The following CRIM1 variants were observed in gnomAD, a reference collection of about 807,000 sequenced individuals.
The protein encoded by CRIM1 is cysteine rich transmembrane BMP regulator 1, also known as cysteine-rich motor neuron 1 protein.
CRIM1 carries 32 observed loss-of-function variants against 116.4 expected under a neutral mutation model. The ratio of observed to expected loss-of-function variants is 0.27; its 90% CI spans 0.21 to 0.37. The LOEUF (loss-of-function observed/expected upper bound fraction) is 0.37, where lower values mean the gene tolerates loss of function less well. Ranked by LOEUF, CRIM1 falls within the 10% of genes least tolerant of loss-of-function variation. The pLI is 1.00. For missense variants in CRIM1, 1,331 were observed against 1,354.8 expected, an observed-to-expected ratio of 0.98 and a Z score of 0.28; for synonymous variants, 590 against 509.2, an observed-to-expected ratio of 1.16 and a Z score of -2.13.
At chr2:36,501,938 C>A (rs915372160) in intron 8 of CRIM1, among the ~76,000 whole-genome samples, 1 of 152,114 alleles carries the variant, frequency 6.6e-6, no homozygotes, top group Non-Finnish European at 1.5e-5. Flanking sequence ...AATGGCCAAC[C>A]TTGTTTTTTG....
intron 2 of CRIM1, among the ~76,000 whole-genome samples, chr2:36,427,117 C>T (rs982120857): frequency 6.6e-6 from 1 of 151,792 alleles, no homozygotes; most frequent in African/African-American, 2.4e-5. Context: ...AGGAGAATTG[C>T]TTGAACCTGG....
In CRIM1 at chr2:36,549,404, A is replaced by C. The variant is rs144279734; in HGVS notation, c.*703A>C. Reference sequence around the variant, plus strand: ...CTTTTATTTTCTTCCAAGCCAATCAATCAGCCAGTTCCTAGCAGAGTCAGC... The same window carrying C: ...CTTTTATTTTCTTCCAAGCCAATCACTCAGCCAGTTCCTAGCAGAGTCAGC... On this transcript the variant is annotated 3_prime_UTR_variant, in exon 17 of 17. Transcript: ENST00000280527. The C allele has an allele frequency of 2.6e-5, 4 of 152,658 alleles. No individual in the cohort carries two copies. The highest frequency in any genetic ancestry group is 3.9e-4 in the East Asian group (2 of 5,180). 9.5% of individuals were successfully genotyped at this position (152,658 alleles called of 1,614,324 possible).
At chr2:36,442,172 T>C (rs952486966) in intron 3 of CRIM1, among the ~76,000 whole-genome samples, 1 of 152,240 alleles carries the variant, frequency 6.6e-6, no homozygotes, top group Non-Finnish European at 1.5e-5. Context: ...TTCTGAGTTA[T>C]AGCGATTTCC....
At chr2:36,461,760 AC>A (rs1005818577) in intron 4 of CRIM1, among the ~76,000 whole-genome samples, 4 of 152,212 alleles carry the variant, frequency 2.6e-5, no homozygotes, top group African/African-American at 9.6e-5. Context: ...ATGTAAACAT[AC>A]CTGTTAAAAG....
intron 7 of CRIM1, among the ~76,000 whole-genome samples, chr2:36,488,219 C>G (rs1281798403): frequency 2.0e-5 from 3 of 152,208 alleles, no homozygotes; most frequent in African/African-American, 7.2e-5. Flanking sequence ...CAGTGTCACA[C>G]AAGCATATAA....
chr2:36,523,303 A>G (rs1487344766), intron 13 of CRIM1, among the ~76,000 whole-genome samples: 1 of 152,276 alleles, frequency 6.6e-6, no homozygotes, highest in African/African-American at 2.4e-5. Flanking sequence ...TTCTGTTTCA[A>G]CCACGTGGTT....
chr2:36,489,447 T>A (rs550541654), intron 7 of CRIM1, among the ~76,000 whole-genome samples: 2 of 152,340 alleles, frequency 1.3e-5, no homozygotes, highest in East Asian at 3.9e-4. Flanking sequence ...TCATCCTTTC[T>A]GGGAATCAAG....
chr2:36,425,692 T>G (rs1465750272), intron 2 of CRIM1, among the ~76,000 whole-genome samples: 1 of 152,186 alleles, frequency 6.6e-6, no homozygotes, highest in Non-Finnish European at 1.5e-5. Flanking sequence ...AGCAACATTC[T>G]CATCAGAGGC....
At chr2:36,431,874 C>T (rs1225065883) in intron 2 of CRIM1, among the ~76,000 whole-genome samples, 1 of 152,168 alleles carries the variant, frequency 6.6e-6, no homozygotes, top group East Asian at 1.9e-4. Flanking sequence ...TTATTATGTA[C>T]TTTTTTCAAA....
chr2:36,393,563 T>C (rs1163022774), intron 1 of CRIM1, among the ~76,000 whole-genome samples: 1 of 152,148 alleles, frequency 6.6e-6, no homozygotes, highest in Non-Finnish European at 1.5e-5. Flanking sequence ...CGGGGAATTA[T>C]GGCTTACATA....
At chr2:36,531,403 T>G (rs940293) in intron 13 of CRIM1, among the ~76,000 whole-genome samples, 7,603 of 151,536 alleles carry the variant, frequency 0.05, 355 homozygotes, top group African/African-American at 0.13. Flanking sequence ...TTTGGTTTTT[T>G]GTTTTTTTTT....
At chr2:36,516,466 C>T (rs932316432) in intron 11 of CRIM1, among the ~76,000 whole-genome samples, 1 of 152,222 alleles carries the variant, frequency 6.6e-6, no homozygotes, top group African/African-American at 2.4e-5. Flanking sequence ...CCTCTTCAGA[C>T]ATTTTCAACA....
intron 2 of CRIM1, among the ~76,000 whole-genome samples, chr2:36,425,400 TAC>T (rs1209157132): frequency 6.6e-6 from 1 of 152,196 alleles, no homozygotes; most frequent in Non-Finnish European, 1.5e-5. Flanking sequence ...GGAGTACTGG[TAC>T]AGGTCGGTGT....
chr2:36,507,959 A>G (rs1681547793), intron 8 of CRIM1, among the ~76,000 whole-genome samples: 1 of 152,202 alleles, frequency 6.6e-6, no homozygotes, highest in Non-Finnish European at 1.5e-5. Flanking sequence ...GTTTCCCAAC[A>G]TAATTCATTT....
intron 6 of CRIM1, among the ~76,000 whole-genome samples, chr2:36,478,426 G>T (rs896467446): frequency 6.6e-6 from 1 of 152,122 alleles, no homozygotes; most frequent in Non-Finnish European, 1.5e-5. Context: ...AGTTGTCTGG[G>T]CATGGATCCA....
chr2:36,547,225 C>G, intron 16 of CRIM1, 54 bp downstream of exon 16: 2 of 1,435,130 alleles, frequency 1.4e-6, no homozygotes, highest in African/African-American at 2.9e-5. Context: ...AAAACTTACA[C>G]TCATATTGAA....
chr2:36,471,807 C>A (rs947865954), intron 5 of CRIM1, among the ~76,000 whole-genome samples: 1 of 151,722 alleles, frequency 6.6e-6, no homozygotes, highest in Non-Finnish European at 1.5e-5. Flanking sequence ...CCATCCTAGG[C>A]CTCATGTGGC....
chr2:36,487,962 A>G (rs1033362476), intron 7 of CRIM1, among the ~76,000 whole-genome samples: 1 of 152,190 alleles, frequency 6.6e-6, no homozygotes. Context: ...ATTTGCCTAC[A>G]GAAACAGGTC....
intron 11 of CRIM1, among the ~76,000 whole-genome samples, chr2:36,514,586 T>C (rs1190065306): frequency 6.6e-6 from 1 of 152,168 alleles, no homozygotes; most frequent in Non-Finnish European, 1.5e-5. Flanking sequence ...CTGGGAGAAA[T>C]GAAGTCTCTC....
Sources: allele counts gnomAD v4.1 joint callset (sites outside exome capture counted in the v4.1 genomes callset), GRCh38; gene constraint gnomAD v4.1.1; transcripts MANE v1.5; gene names NCBI Gene and HGNC (gene_info 2026-07-23, HGNC 2026-07-21).